BTBD1: variants seen among roughly 807,000 people sequenced by gnomAD.
The protein encoded by BTBD1 is BTB domain containing 1, also known as BTB/POZ domain-containing protein 1.
BTBD1 carries 34 observed loss-of-function variants against 48.0 expected under a neutral mutation model. The ratio of observed to expected loss-of-function variants is 0.71; its 90% CI spans 0.54 to 0.94. The LOEUF is 0.94. Among genes scored for constraint, BTBD1 ranks in the 40% least tolerant of loss-of-function variants. The pLI is 0.00. For missense variants in BTBD1, 543 were observed against 625.6 expected (o/e 0.87, Z 1.41); for synonymous variants, 261 against 242.1 (o/e 1.08, Z -0.72).
At chr15:83,039,239 AAAG>A (rs2151305845) in intron 4 of BTBD1, among the ~76,000 whole-genome samples, 1 of 152,360 alleles carries the variant, frequency 6.6e-6, no homozygotes, top group African/African-American at 2.4e-5. Context: ...ACATTTCTCA[AAAG>A]AAGATATACA....
At chr15:83,054,987 T>C (rs2033058186) in intron 2 of BTBD1, among the ~76,000 whole-genome samples, 1 of 152,146 alleles carries the variant, frequency 6.6e-6, no homozygotes, top group Non-Finnish European at 1.5e-5. Flanking sequence ...AATTTTCCCG[T>C]TTGTAAAATG....
intron 5 of BTBD1, chr15:83,024,286 T>A (rs763329352): frequency 6.6e-6 from 1 of 152,162 alleles, no homozygotes; most frequent in Non-Finnish European, 1.5e-5. Flanking sequence ...TCTACAGATG[T>A]GTTTGTCTTT....
intron 7 of BTBD1, 21 bp from the exon 8 acceptor site, chr15:83,018,246 C>T: frequency 6.6e-7 from 1 of 1,517,178 alleles, no homozygotes; most frequent in Non-Finnish European, 8.8e-7. Context: ...ACAAAAGGTT[C>T]CTTAGTAATT....
intron 1 of BTBD1, among the ~76,000 whole-genome samples, chr15:83,064,866 C>G (rs925163328): frequency 4.6e-5 from 7 of 152,164 alleles, no homozygotes; most frequent in African/African-American, 7.2e-5. Context: ...AGGTCCCCCC[C>G]CTTTATAAAT....
chr15:83,025,719 A>C (rs1002919969), intron 5 of BTBD1, among the ~76,000 whole-genome samples: 2 of 152,110 alleles, frequency 1.3e-5, no homozygotes, highest in African/African-American at 4.8e-5. Context: ...ATTATAACTA[A>C]ATTCTTTTAC....
intron 3 of BTBD1, among the ~76,000 whole-genome samples, chr15:83,046,805 T>C (rs921312397): frequency 6.6e-6 from 1 of 152,190 alleles, no homozygotes; most frequent in Non-Finnish European, 1.5e-5. Flanking sequence ...TTCAGTATAT[T>C]ATAAGCAGTG....
chr15:83,046,872 C>G (rs1036205930), intron 3 of BTBD1, among the ~76,000 whole-genome samples: 1 of 152,088 alleles, frequency 6.6e-6, no homozygotes, highest in Non-Finnish European at 1.5e-5. Flanking sequence ...GATGTTAGAA[C>G]AGAGGAATAT....
rs1596418225 is a variant in BTBD1 at position 83,017,789 on chromosome 15, C to T, written c.*278G>A. ...AAACTATTGAAAGACCCTAAGTCAG[C>T]CAATCTATGAAATTATACAAGATGA... is the stretch of plus-strand genomic sequence containing the variant. On this transcript the variant is annotated 3_prime_UTR_variant, in exon 8 of 8. Transcript: ENST00000261721. 1 of 191,134 alleles carries T rather than the reference C, an allele frequency of 5.2e-6. No homozygotes were observed. The highest frequency in any genetic ancestry group is 1.3e-4 in the East Asian group (1 of 7,902). The allele number at this position is 191,134 out of a possible 1,614,324, so 11.8% of individuals were successfully genotyped here. A position where few individuals can be genotyped will look rare whatever the true frequency, so the allele number is the denominator to read the frequency against.
At chr15:83,055,545 T>C (rs1480229107) in intron 2 of BTBD1, among the ~76,000 whole-genome samples, 2 of 152,160 alleles carry the variant, frequency 1.3e-5, no homozygotes, top group East Asian at 3.9e-4. Context: ...GCTTGAGCCA[T>C]CTTGCCCAGC....
At chr15:83,051,776 T>C (rs1402866736) in intron 2 of BTBD1, among the ~76,000 whole-genome samples, 2 of 151,888 alleles carry the variant, frequency 1.3e-5, no homozygotes, top group Admixed American at 1.3e-4. Flanking sequence ...TATAGAAAAG[T>C]TGAAAAGATA....
chr15:83,055,807 A>AT (rs749352153), intron 2 of BTBD1, among the ~76,000 whole-genome samples: 1 of 152,226 alleles, frequency 6.6e-6, no homozygotes, highest in Non-Finnish European at 1.5e-5. Context: ...ACTCTCAATC[A>AT]TAAGTAGAAA....
chr15:83,066,906 G>C lies in BTBD1; in HGVS notation c.246C>G (p.Ala82=). Residue 82 remains alanine (A), a synonymous_variant, in exon 1 of 8, where the codon GCC becomes GCG. Coordinates refer to ENST00000261721, the MANE Select transcript of BTBD1 (RefSeq NM_025238.4). ...RFVLGKGRGA[A]AAGGPQRIPA... The stretch of plus-strand genomic sequence containing the variant: ...GGATGCGCTGCGGGCCCCCAGCGGC[G>C]GCGGCGCCGCGACCCTTGCCCAGTA... 6.6e-7 allele frequency: 1 copy of C among 1,520,648 alleles called. No individual in the cohort carries two copies. The highest frequency in any genetic ancestry group is 8.8e-7 in the Non-Finnish European group (1 of 1,139,500). 94.2% of individuals were successfully genotyped at this position (1,520,648 alleles called of 1,614,324 possible).
At chr15:83,028,302 T>C (rs1394078742) in intron 5 of BTBD1, among the ~76,000 whole-genome samples, 3 of 152,198 alleles carry the variant, frequency 2.0e-5, no homozygotes, top group African/African-American at 4.8e-5. Context: ...CTGACATCTA[T>C]TGAAATTAAA....
At chr15:83,041,368 AT>A (rs903109976) in intron 4 of BTBD1, among the ~76,000 whole-genome samples, 229 of 142,862 alleles carry the variant, frequency 1.6e-3, no homozygotes, top group Admixed American at 1.8e-3. Context: ...GACTGATAGA[AT>A]TTTTTTTTTT....
At chr15:83,025,336 C>A (rs377540639) in intron 5 of BTBD1, among the ~76,000 whole-genome samples, 2 of 77,198 alleles carry the variant, frequency 2.6e-5, no homozygotes, top group Non-Finnish European at 4.7e-5. Context: ...CCAGCCTGGG[C>A]AACAAAACAA....
intron 2 of BTBD1, among the ~76,000 whole-genome samples, chr15:83,054,022 T>C (rs2033039116): frequency 6.6e-6 from 1 of 152,198 alleles, no homozygotes; most frequent in Non-Finnish European, 1.5e-5. Context: ...TAAGCTTCCA[T>C]TTTTCATCTT....
chr15:83,029,189 C>G lies in BTBD1; in HGVS notation c.1055+947G>C, dbSNP rs995353260. Among the ~76,000 whole-genome samples, 8 of 152,132 alleles carry G rather than the reference C, an allele frequency of 5.3e-5. 1 individual carries two copies. In the South Asian group the frequency reaches 1.2e-3, roughly 24 times the overall value. The stretch of plus-strand genomic sequence containing the variant: ...GTTAACTTAAGATTTATAATAGTCC[C>G]ACATCCAACCAGATTTTTCTGTTTT... On this transcript the variant is annotated intron_variant, in intron 5 of 7. Transcript: ENST00000261721.
intron 4 of BTBD1, among the ~76,000 whole-genome samples, chr15:83,030,998 G>A (rs972702157): frequency 6.6e-6 from 1 of 152,162 alleles, no homozygotes; most frequent in African/African-American, 2.4e-5. Context: ...ACGTGTGCAT[G>A]TGTCTTTATA....
chr15:83,039,429 A>T (rs2032695451), intron 4 of BTBD1, among the ~76,000 whole-genome samples: 1 of 152,152 alleles, frequency 6.6e-6, no homozygotes, highest in African/African-American at 2.4e-5. Context: ...GTGGGAATGT[A>T]GATAAGGTTA....
Sources: gnomAD v4.1 joint callset for allele counts (sites outside exome capture counted in the v4.1 genomes callset) on GRCh38, gnomAD v4.1.1 for gene constraint, MANE v1.5 for transcripts, NCBI Gene and HGNC (gene_info 2026-07-23, HGNC 2026-07-21) for gene names.